The following TRAK1 variants were observed in gnomAD, a reference collection of about 807,000 sequenced individuals.
TRAK1 encodes the protein trafficking kinesin-binding protein 1.
Under a neutral mutation model 92.1 loss-of-function variants are expected in TRAK1, and 33 were observed. The observed-to-expected ratio is 0.36, with a 90% confidence interval of 0.27 to 0.48. The LOEUF (loss-of-function observed/expected upper bound fraction) is 0.48, where lower values mean the gene tolerates loss of function less well. Among genes scored for constraint, TRAK1 ranks in the 20% least tolerant of loss-of-function variants. TRAK1 has a pLI of 0.99. For synonymous variants in TRAK1, 521 were observed against 517.3 expected, an observed-to-expected ratio of 1.01 and a Z score of -0.10; for missense variants, 1,123 against 1,257.9, an observed-to-expected ratio of 0.89 and a Z score of 1.62.
intron 1 of TRAK1, among the ~76,000 whole-genome samples, chr3:42,061,477 G>T (rs1226406520): frequency 6.6e-6 from 1 of 152,002 alleles, no homozygotes; most frequent in Non-Finnish European, 1.5e-5. Context: ...AGCAGGCAAG[G>T]AGCTACTTTG....
intron 1 of TRAK1, among the ~76,000 whole-genome samples, chr3:42,047,574 T>C (rs1018001967): frequency 7.7e-4 from 117 of 152,288 alleles, no homozygotes; most frequent in African/African-American, 2.3e-3. Flanking sequence ...CTAATTTCTG[T>C]CCCACACTTC....
upstream of TRAK1, chr3:42,091,196 TC>T: frequency 4.9e-6 from 2 of 411,524 alleles, no homozygotes; most frequent in South Asian, 3.5e-5. Context: ...CTACTCCCCT[TC>T]CCCCAACCTA....
chr3:42,093,602 CTCCTG>C (rs1705408027), intron 1 of TRAK1, among the ~76,000 whole-genome samples: 2 of 148,672 alleles, frequency 1.3e-5, no homozygotes, highest in Admixed American at 6.8e-5. Context: ...ATTTTTTTCT[CTCCTG>C]TCCTCTTTTC....
At position 42,199,206 on chromosome 3, in the gene TRAK1, G is replaced by A. The variant is rs764329895; in HGVS notation, c.1143G>A (p.Thr381=). Reference sequence around the variant, plus strand: ...CCTTGGCAGCAGAGATTGAGGGAACGATGCGCAAGGAGCTGCAGTTGGAAG... The same window carrying A: ...CCTTGGCAGCAGAGATTGAGGGAACAATGCGCAAGGAGCTGCAGTTGGAAG... ...MDSLAAEIEG[T]MRKELQLEEA... The change falls in exon 11 of 16, where the codon ACG becomes ACA. Residue 381 remains threonine, a synonymous_variant. Transcript: ENST00000327628. 52 of 1,613,650 alleles carry A rather than the reference G, an allele frequency of 3.2e-5. 1 individual carries two copies. The South Asian group carries it at 4.2e-4, about 13-fold the overall frequency.
At chr3:42,021,165 A>G (rs930892943) in intron 1 of TRAK1, among the ~76,000 whole-genome samples, 1 of 152,236 alleles carries the variant, frequency 6.6e-6, no homozygotes, top group African/African-American at 2.4e-5. Flanking sequence ...TGTTATGTGT[A>G]TGACTCACTG....
intron 13 of TRAK1, chr3:42,203,574 C>T (rs1276605807): frequency 2.0e-6 from 2 of 982,684 alleles, no homozygotes; most frequent in Non-Finnish European, 2.4e-6. Context: ...CAAGAGCCAC[C>T]AAGTGCTTAT....
intron 2 of TRAK1, among the ~76,000 whole-genome samples, chr3:42,146,939 A>AT (rs1277056797): frequency 6.6e-6 from 1 of 152,102 alleles, no homozygotes; most frequent in Admixed American, 6.5e-5. Flanking sequence ...AACATTGCTG[A>AT]TTTTTTAGGA....
At chr3:42,162,298 A>ATATAT (rs1192564836) in intron 2 of TRAK1, among the ~76,000 whole-genome samples, 1 of 151,296 alleles carries the variant, frequency 6.6e-6, no homozygotes, top group Non-Finnish European at 1.5e-5. Context: ...ACATATAAAT[A>ATATAT]TATATTATAT....
At chr3:42,149,743 C>A in intron 2 of TRAK1, 1 of 1,059,948 alleles carries the variant, frequency 9.4e-7, no homozygotes, top group Non-Finnish European at 1.3e-6. Context: ...TCTGGCAATT[C>A]CAAAGGCATG....
At chr3:42,204,479 A>G (rs1708091866) in intron 13 of TRAK1, among the ~76,000 whole-genome samples, 1 of 152,262 alleles carries the variant, frequency 6.6e-6, no homozygotes, top group Non-Finnish European at 1.5e-5. Flanking sequence ...GGCTAAAACA[A>G]TACAATTAAA....
chr3:42,201,339 A>G (rs1357708161), intron 12 of TRAK1, among the ~76,000 whole-genome samples: 1 of 152,138 alleles, frequency 6.6e-6, no homozygotes, highest in Non-Finnish European at 1.5e-5. Context: ...ATGCACCTGT[A>G]ATCTCAGCTA....
chr3:42,108,360 G>T (rs973317486), intron 1 of TRAK1, among the ~76,000 whole-genome samples: 1 of 151,892 alleles, frequency 6.6e-6, no homozygotes, highest in Admixed American at 6.6e-5. Context: ...GTGTGGTGCT[G>T]CCTGCCTGTA....
chr3:42,067,547 A>G (rs1703728945), intron 1 of TRAK1, among the ~76,000 whole-genome samples: 1 of 152,194 alleles, frequency 6.6e-6, no homozygotes, highest in Non-Finnish European at 1.5e-5. Context: ...TTCAAAATAC[A>G]TGCCTTAAAA....
At position 42,223,857 on chromosome 3, in the gene TRAK1, T is replaced by G; in HGVS notation, c.*120T>G. 8.5e-7 allele frequency: 1 copy of G among 1,178,408 alleles called. No individual in the cohort carries two copies. Among genetic ancestry groups the G allele is most frequent in the Non-Finnish European group, 1.2e-6 (1 of 837,410 alleles). 73.0% of individuals were successfully genotyped at this position (1,178,408 alleles called of 1,614,324 possible). A position where few individuals can be genotyped will look rare whatever the true frequency, so the allele number is the denominator to read the frequency against. On this transcript the variant is annotated 3_prime_UTR_variant, in exon 16 of 16. Transcript: ENST00000327628. The surrounding 1 kb of genome is among the most constrained non-coding windows in gnomAD (Gnocchi z 6.1). ...CTGCCCTTCTCTGTCCACCCCCTCC[T>G]AAGCTAGACAAATCAACCTCGTGCC...
chr3:42,057,207 C>T (rs907280806), intron 1 of TRAK1, among the ~76,000 whole-genome samples: 2 of 152,112 alleles, frequency 1.3e-5, no homozygotes, highest in African/African-American at 4.8e-5. Context: ...CTTTGGATAC[C>T]AAGGAAAATG....
Position 42,125,268 on chromosome 3 carries a change from A to T in TRAK1, c.92-152A>T, listed in dbSNP as rs570054411. ...TCAAAGTTTTGAGACTAGAATTTAA[A>T]TTGGAAAAAGACTCCTGATATAGCC... On this transcript the variant is annotated intron_variant, in intron 1 of 15. Transcript: ENST00000327628. 5.0e-5 allele frequency: 34 copies of T among 674,444 alleles called. No homozygotes were observed. In the African/African-American group the frequency reaches 5.9e-4, roughly 12 times the overall value. 41.8% of individuals were successfully genotyped at this position (674,444 alleles called of 1,614,324 possible).
At chr3:42,179,006 G>A (rs1047768896) in intron 3 of TRAK1, among the ~76,000 whole-genome samples, 1 of 151,908 alleles carries the variant, frequency 6.6e-6, no homozygotes, top group African/African-American at 2.4e-5. Context: ...AAAATTAGAA[G>A]CAAACTACAG....
chr3:42,218,279 T>C (rs1709933122), intron 14 of TRAK1: 1 of 985,300 alleles, frequency 1.0e-6, no homozygotes, highest in African/African-American at 1.7e-5. Context: ...ATTCCATTGT[T>C]TTCCTTTTTG....
chr3:42,146,127 A>G (rs1699294802), intron 2 of TRAK1: 2 of 450,414 alleles, frequency 4.4e-6, no homozygotes, highest in Non-Finnish European at 8.7e-6. Context: ...TACACCAACT[A>G]CATTGTGTCC....
Sources: gnomAD v4.1 joint callset for allele counts (sites outside exome capture counted in the v4.1 genomes callset) on GRCh38, gnomAD v4.1.1 for gene constraint, Gnocchi (gnomAD v3.1) non-coding constraint, MANE v1.5 for transcripts, NCBI Gene and HGNC (gene_info 2026-07-23, HGNC 2026-07-21) for gene names.